DCDC1: variants seen among roughly 807,000 people sequenced by gnomAD.
The protein encoded by DCDC1 is doublecortin domain-containing protein 1.
In DCDC1, 200 loss-of-function variants were observed where a neutral mutation model predicts 178.3. The ratio of observed to expected loss-of-function variants is 1.12; its 90% CI spans 1.00 to 1.26. The LOEUF is 1.26. DCDC1 is among the 50% of genes most tolerant of loss of function. DCDC1 has a pLI of 0.00. For missense variants in DCDC1, 1,983 were observed against 1,749.2 expected (o/e 1.13, Z -2.38); for synonymous variants, 690 against 604.8 (o/e 1.14, Z -2.07).
At chr11:31,194,920 A>C (rs1156252218) in intron 9 of DCDC1, among the ~76,000 whole-genome samples, 1 of 152,102 alleles carries the variant, frequency 6.6e-6, no homozygotes, top group Non-Finnish European at 1.5e-5. Flanking sequence ...AAACTGCAGC[A>C]GTCACCACTG....
chr11:31,050,471 C>A (rs1955169063), intron 20 of DCDC1, among the ~76,000 whole-genome samples: 1 of 152,180 alleles, frequency 6.6e-6, no homozygotes, highest in African/African-American at 2.4e-5. Flanking sequence ...TAGGGTCCCA[C>A]CCATCGCCAG....
chr11:31,287,358 G>A (rs765358350), intron 7 of DCDC1, among the ~76,000 whole-genome samples: 4 of 151,924 alleles, frequency 2.6e-5, no homozygotes, highest in Admixed American at 2.6e-4. Context: ...AGTTCAGTTC[G>A]TAAGATCCAA....
At chr11:30,900,154 C>T (rs1293596611) in intron 33 of DCDC1, among the ~76,000 whole-genome samples, 192 bp downstream of exon 33, 1 of 152,042 alleles carries the variant, frequency 6.6e-6, no homozygotes, top group Non-Finnish European at 1.5e-5. Context: ...AAAAAACAGG[C>T]AAATGTGCAA....
Position 30,884,033 on chromosome 11 carries a change from A to ATTTTTTTTTTTTTTTTT in DCDC1, c.5083-2726_5083-2725insAAAAAAAAAAAAAAAAA, listed in dbSNP as rs59940255. ...AAAGAAAACCAAAGCATTCTTTCTCATTTTTTTTTTTTTTTGAGACAGGGT... is the reference window on the plus strand; with the variant it reads ...AAAGAAAACCAAAGCATTCTTTCTCATTTTTTTTTTTTTTTTTTTTTTTTTTTTTTTTGAGACAGGGT... On this transcript the variant is annotated intron_variant, in intron 36 of 38. Transcript: ENST00000684477. 8.6e-3 allele frequency among the ~76,000 whole-genome samples: 818 copies of ATTTTTTTTTTTTTTTTT among 95,566 alleles called. 105 individuals are homozygous for ATTTTTTTTTTTTTTTTT. Among genetic ancestry groups the ATTTTTTTTTTTTTTTTT allele is most frequent in the Non-Finnish European group, 0.012 (606 of 49,782 alleles). 62.7% of individuals were successfully genotyped at this position (95,566 alleles called of 152,430 possible).
intron 9 of DCDC1, among the ~76,000 whole-genome samples, chr11:31,160,943 C>CA (rs1305112579): frequency 2.6e-5 from 4 of 152,152 alleles, no homozygotes; most frequent in Admixed American, 2.0e-4. Flanking sequence ...GTAAAGAGTA[C>CA]AGGCACCATC....
intron 28 of DCDC1, among the ~76,000 whole-genome samples, chr11:30,910,197 C>A (rs1441608111): frequency 2.0e-5 from 3 of 152,116 alleles, no homozygotes; most frequent in Non-Finnish European, 4.4e-5. Flanking sequence ...ACAAAAAATT[C>A]TTGAAAGGTA....
chr11:31,090,514 A>G (rs1353752079), intron 17 of DCDC1, among the ~76,000 whole-genome samples: 1 of 152,198 alleles, frequency 6.6e-6, no homozygotes, highest in Admixed American at 6.5e-5. Flanking sequence ...AAATTTGACA[A>G]TGAGATTTAA....
Position 31,103,720 on chromosome 11 carries a change from A to G in DCDC1, c.1801T>C (p.Phe601Leu). 1.3e-6 allele frequency: 1 copy of G among 765,786 alleles called. No individual in the cohort carries two copies. Among genetic ancestry groups the G allele is most frequent in the Non-Finnish European group, 2.4e-6 (1 of 417,642 alleles). 47.4% of individuals were successfully genotyped at this position (765,786 alleles called of 1,614,324 possible). ...GCAACCATGATATCACCTCTGGCAA[A>G]TGCACTCACTCGGTCAAAGGTCAAA... ...LGLTFDRVSA[F>L]ARGDIMVAYK... The change falls in exon 14 of 39, where the codon TTT becomes CTT. Residue 601 changes from phenylalanine to leucine, a missense_variant. Physicochemically the swap from Phe to Leu is conservative, Grantham distance 22. Coordinates refer to ENST00000684477, the MANE Select transcript of DCDC1 (RefSeq NM_001387274.1).
intron 7 of DCDC1, among the ~76,000 whole-genome samples, chr11:31,271,556 G>A (rs957742742): frequency 6.6e-5 from 10 of 151,974 alleles, no homozygotes; most frequent in Non-Finnish European, 1.0e-4. Context: ...GTTCCAGTTT[G>A]GCTTTTTTAC....
chr11:31,084,510 T>A (rs1487372092), intron 17 of DCDC1, among the ~76,000 whole-genome samples: 11 of 152,154 alleles, frequency 7.2e-5, no homozygotes, highest in Non-Finnish European at 1.6e-4. Context: ...AAGTATAACT[T>A]CATAGTCAGT....
intron 21 of DCDC1, among the ~76,000 whole-genome samples, chr11:30,934,484 T>C (rs1267161580): frequency 6.6e-6 from 1 of 152,138 alleles, no homozygotes; most frequent in Non-Finnish European, 1.5e-5. Context: ...CAGTGACGTT[T>C]AGGATATAGG....
At chr11:31,068,890 A>G (rs912172453) in intron 18 of DCDC1, among the ~76,000 whole-genome samples, 1 of 150,760 alleles carries the variant, frequency 6.6e-6, no homozygotes, top group Non-Finnish European at 1.5e-5. Flanking sequence ...CTCGCTCTGT[A>G]GCCCATGCTG....
At chr11:31,267,989 A>G (rs1185125724) in intron 7 of DCDC1, among the ~76,000 whole-genome samples, 3 of 152,186 alleles carry the variant, frequency 2.0e-5, no homozygotes, top group Non-Finnish European at 2.9e-5. Flanking sequence ...ATTCAGTACA[A>G]ATTGCTCCTT....
At chr11:31,150,485 G>A (rs1338434660) in intron 9 of DCDC1, among the ~76,000 whole-genome samples, 2 of 152,104 alleles carry the variant, frequency 1.3e-5, no homozygotes, top group Non-Finnish European at 2.9e-5. Context: ...ATTGAGAATA[G>A]CTACTCAGAA....
chr11:31,302,434 C>T (rs1948176719), intron 6 of DCDC1, among the ~76,000 whole-genome samples: 1 of 152,098 alleles, frequency 6.6e-6, no homozygotes, highest in African/African-American at 2.4e-5. Context: ...ACTACCTATT[C>T]ATAATTTCAA....
rs925789884 is a variant in DCDC1 at position 30,915,685 on chromosome 11, T to G, written c.3479A>C (p.His1160Pro). ...TTCGAACTGCTGATGACAATGCTTGTGCAATTTACTATGCTTTGGTGAACA... is the reference window on the plus strand; with the variant it reads ...TTCGAACTGCTGATGACAATGCTTGGGCAATTTACTATGCTTTGGTGAACA... Reference protein sequence around the residue: ...HSCSPKHSKLHKHCHQQFEYR... With the variant: ...HSCSPKHSKLPKHCHQQFEYR... Residue 1160 changes from histidine to proline, a missense_variant, in exon 27 of 39, where the codon CAC becomes CCC. Coordinates refer to ENST00000684477, the MANE Select transcript of DCDC1 (RefSeq NM_001387274.1). The G allele has an allele frequency of 6.2e-7, 1 of 1,613,674 alleles. No individual in the cohort carries two copies. Among genetic ancestry groups the G allele is most frequent in the African/African-American group, 1.3e-5 (1 of 74,934 alleles).
At chr11:30,886,091 A>T (rs977511026) in intron 36 of DCDC1, among the ~76,000 whole-genome samples, 15 of 152,114 alleles carry the variant, frequency 9.9e-5, no homozygotes, top group African/African-American at 3.6e-4. Flanking sequence ...AAAATTGTAT[A>T]TACGTGTGAT....
chr11:30,979,205 G>A (rs533953752), intron 20 of DCDC1, among the ~76,000 whole-genome samples: 5 of 152,118 alleles, frequency 3.3e-5, no homozygotes, highest in East Asian at 3.9e-4. Context: ...ATCACACTTC[G>A]AATAGATCAT....
chr11:31,257,596 T>C (rs1944495059), intron 8 of DCDC1, among the ~76,000 whole-genome samples: 2 of 151,770 alleles, frequency 1.3e-5, no homozygotes, highest in Admixed American at 6.6e-5. Flanking sequence ...GAAAATAAGA[T>C]AAAATAAGAC....
Sources: gnomAD v4.1 joint callset for allele counts (sites outside exome capture counted in the v4.1 genomes callset) on GRCh38, gnomAD v4.1.1 for gene constraint, MANE v1.5 for transcripts, NCBI Gene and HGNC (gene_info 2026-07-23, HGNC 2026-07-21) for gene names.